The following NALF1 variants were observed in gnomAD, a reference collection of about 807,000 sequenced individuals.
NALF1 encodes the protein NALCN channel auxiliary factor 1.
A neutral mutation model predicts 48.4 loss-of-function variants in NALF1; 3 were observed. That is an observed-to-expected ratio of 0.06 (90% CI 0.03 to 0.16). NALF1 has a LOEUF of 0.16. Ranked by LOEUF, NALF1 falls within the 10% of genes least tolerant of loss-of-function variation. The pLI is 1.00. For missense variants in NALF1, 526 were observed against 571.5 expected (o/e 0.92, Z 0.81); for synonymous variants, 262 against 245.7 (o/e 1.07, Z -0.62).
intron 1 of NALF1, among the ~76,000 whole-genome samples, chr13:107,503,413 C>A (rs374195672): frequency 3.3e-5 from 5 of 152,068 alleles, no homozygotes; most frequent in African/African-American, 1.2e-4. Flanking sequence ...TTACCTCACA[C>A]GCACAAAAAT....
At chr13:107,765,973 T>TA (rs1053422173) in intron 1 of NALF1, among the ~76,000 whole-genome samples, 4 of 151,782 alleles carry the variant, frequency 2.6e-5, no homozygotes, top group Admixed American at 1.3e-4. Context: ...GCTCTCTTTT[T>TA]AAAAAAATAG....
intron 1 of NALF1, among the ~76,000 whole-genome samples, chr13:107,293,087 T>C (rs1329713891): frequency 6.6e-6 from 1 of 151,242 alleles, no homozygotes; most frequent in Non-Finnish European, 1.5e-5. Context: ...TTCACGCTAT[T>C]CTCTTGCCTC....
At chr13:107,599,968 T>C (rs1313282284) in intron 1 of NALF1, among the ~76,000 whole-genome samples, 1 of 152,236 alleles carries the variant, frequency 6.6e-6, no homozygotes, top group East Asian at 1.9e-4. Context: ...AACTCTGATA[T>C]AATGTTATTA....
chr13:107,624,464 A>G (rs953411956), intron 1 of NALF1, among the ~76,000 whole-genome samples: 12 of 152,328 alleles, frequency 7.9e-5, no homozygotes, highest in Middle Eastern at 3.4e-3. Flanking sequence ...AAAAAACCAC[A>G]GGATGTCATC....
chr13:107,633,723 A>G (rs9587413), intron 1 of NALF1, among the ~76,000 whole-genome samples: 1,625 of 31,772 alleles, frequency 0.051, 13 homozygotes, highest in South Asian at 0.11. Flanking sequence ...ATGTGTGTGT[A>G]TATATATATA....
chr13:107,481,948 G>A (rs183939951), intron 1 of NALF1, among the ~76,000 whole-genome samples: 3 of 152,188 alleles, frequency 2.0e-5, no homozygotes, highest in Admixed American at 6.5e-5. Context: ...CCTTAATTCT[G>A]CCATTTGCAT....
At chr13:107,583,275 A>C (rs1364251418) in intron 1 of NALF1, among the ~76,000 whole-genome samples, 1 of 152,088 alleles carries the variant, frequency 6.6e-6, no homozygotes, top group Non-Finnish European at 1.5e-5. Context: ...TTTTGCAAGA[A>C]TGAGTTTAAT....
intron 1 of NALF1, among the ~76,000 whole-genome samples, chr13:107,443,402 A>C (rs1884598346): frequency 6.6e-6 from 1 of 152,076 alleles, no homozygotes; most frequent in African/African-American, 2.4e-5. Flanking sequence ...TTTTTAGTAG[A>C]GGCAGATTCT....
intron 1 of NALF1, among the ~76,000 whole-genome samples, chr13:107,256,806 T>C (rs74114024): frequency 0.11 from 17,210 of 152,204 alleles, 1,144 homozygotes; most frequent in African/African-American, 0.17. Flanking sequence ...ATGGACAATA[T>C]GGAATTAACC....
chr13:107,571,362 T>C (rs2043640955), intron 1 of NALF1, among the ~76,000 whole-genome samples: 2 of 152,126 alleles, frequency 1.3e-5, no homozygotes, highest in South Asian at 4.1e-4. Context: ...GGCTGGAGAT[T>C]GACTTGATCA....
intron 1 of NALF1, among the ~76,000 whole-genome samples, chr13:107,665,984 T>C (rs1169781787): frequency 2.0e-5 from 3 of 152,104 alleles, no homozygotes; most frequent in Non-Finnish European, 2.9e-5. Context: ...TTAAAGATTT[T>C]TTTAAAATTA....
At chr13:107,571,446 G>A (rs1050152173) in intron 1 of NALF1, among the ~76,000 whole-genome samples, 1 of 152,146 alleles carries the variant, frequency 6.6e-6, no homozygotes, top group Non-Finnish European at 1.5e-5. Flanking sequence ...ATGGGGTTTG[G>A]AGAGTTTTTG....
intron 1 of NALF1, among the ~76,000 whole-genome samples, chr13:107,310,996 AC>A (rs1227619450): frequency 2.6e-5 from 4 of 152,196 alleles, no homozygotes; most frequent in Non-Finnish European, 4.4e-5. Flanking sequence ...GAGTGAAAAG[AC>A]TAGTGATAAA....
intron 1 of NALF1, among the ~76,000 whole-genome samples, chr13:107,395,695 A>G (rs577172469): frequency 2.0e-5 from 3 of 152,208 alleles, no homozygotes; most frequent in African/African-American, 7.2e-5. Context: ...ATTTTCTAAC[A>G]GTTCTTGCGG....
chr13:107,227,967 A>G (rs1352738594), intron 1 of NALF1, among the ~76,000 whole-genome samples: 2 of 152,244 alleles, frequency 1.3e-5, no homozygotes, highest in Admixed American at 1.3e-4. Context: ...TGTAACATAT[A>G]AGGAACCAAT....
intron 1 of NALF1, among the ~76,000 whole-genome samples, chr13:107,573,867 G>C (rs752806000): frequency 3.3e-5 from 5 of 152,132 alleles, no homozygotes; most frequent in Non-Finnish European, 7.3e-5. Flanking sequence ...CACCATGATT[G>C]TGAGTCTTCC....
chr13:107,631,563 G>A (rs1258479636), intron 1 of NALF1, among the ~76,000 whole-genome samples: 1 of 152,056 alleles, frequency 6.6e-6, no homozygotes, highest in East Asian at 1.9e-4. Context: ...AGAATTCAGA[G>A]AGTAAGTCCC....
intron 1 of NALF1, among the ~76,000 whole-genome samples, chr13:107,510,762 T>C (rs1465576564): frequency 1.3e-5 from 2 of 152,134 alleles, no homozygotes; most frequent in African/African-American, 4.8e-5. Context: ...CCACGAGCTC[T>C]GCATTCACAC....
At chr13:107,767,384 G>A (rs16971081) in intron 1 of NALF1, among the ~76,000 whole-genome samples, 1 of 152,262 alleles carries the variant, frequency 6.6e-6, no homozygotes, top group Middle Eastern at 3.4e-3. Flanking sequence ...AGCAAAGACC[G>A]ATTGTCCCCT....
Sources: allele counts gnomAD v4.1 joint callset (sites outside exome capture counted in the v4.1 genomes callset), GRCh38; gene constraint gnomAD v4.1.1; transcripts MANE v1.5; gene names NCBI Gene and HGNC (gene_info 2026-07-23, HGNC 2026-07-21).